The following KAZN variants were observed in gnomAD, a reference collection of about 807,000 sequenced individuals.
The protein encoded by KAZN is kazrin, periplakin interacting protein.
KAZN carries 40 observed loss-of-function variants against 87.4 expected under a neutral mutation model. That is an observed-to-expected ratio of 0.46 (90% CI 0.36 to 0.60). The LOEUF is 0.60. KAZN is among the 20% of genes least tolerant of loss of function. KAZN has a pLI of 0.00. For missense variants in KAZN, 898 were observed against 1,073.9 expected (o/e 0.84, Z 2.29); for synonymous variants, 466 against 458.3 (o/e 1.02, Z -0.22).
At chr1:14,685,257 G>C (rs7538750) in intron 1 of KAZN, among the ~76,000 whole-genome samples, 76,677 of 152,060 alleles carry the variant, frequency 0.5, 19,507 homozygotes, top group South Asian at 0.61. Flanking sequence ...AGCTGGTATA[G>C]AGCATGCTTC....
intron 1 of KAZN, among the ~76,000 whole-genome samples, chr1:14,649,043 A>G (rs1681020808): frequency 6.6e-6 from 1 of 152,228 alleles, no homozygotes; most frequent in South Asian, 2.1e-4. Context: ...CACTTGGAAC[A>G]ATGAAGTGTG....
intron 2 of KAZN, among the ~76,000 whole-genome samples, chr1:14,203,707 G>T (rs891194753): frequency 1.9e-4 from 29 of 152,176 alleles, no homozygotes; most frequent in African/African-American, 7.0e-4. Flanking sequence ...AACTCAATGT[G>T]CGCTAAAGTA....
chr1:14,431,851 T>C (rs981778849), intron 2 of KAZN, among the ~76,000 whole-genome samples: 1 of 152,198 alleles, frequency 6.6e-6, no homozygotes, highest in Admixed American at 6.5e-5. Context: ...TTTGAAGCTT[T>C]TGGACTCGGA....
chr1:14,052,190 C>A (rs532815076), intron 1 of KAZN, among the ~76,000 whole-genome samples: 8 of 152,290 alleles, frequency 5.3e-5, no homozygotes, highest in Non-Finnish European at 8.8e-5. Context: ...AGAGCTGAGT[C>A]CCCCCAACCC....
intron 2 of KAZN, among the ~76,000 whole-genome samples, chr1:14,195,169 C>G (rs1017785595): frequency 6.6e-6 from 1 of 151,798 alleles, no homozygotes; most frequent in Non-Finnish European, 1.5e-5. Flanking sequence ...TGAAATTTTC[C>G]CTTCATTAAT....
intron 2 of KAZN, among the ~76,000 whole-genome samples, chr1:14,402,101 G>A (rs1663462780): frequency 6.7e-6 from 1 of 149,024 alleles, no homozygotes. Flanking sequence ...AAAAAAAAAA[G>A]AGAACATATA....
At chr1:14,528,883 T>C (rs1274377340) in intron 2 of KAZN, among the ~76,000 whole-genome samples, 1 of 152,098 alleles carries the variant, frequency 6.6e-6, no homozygotes, top group Non-Finnish European at 1.5e-5. Flanking sequence ...TCCACTTTAT[T>C]CATGTCCCTC....
chr1:13,906,220 A>G (rs779162098), intron 1 of KAZN, among the ~76,000 whole-genome samples: 22 of 152,126 alleles, frequency 1.4e-4, no homozygotes, highest in Non-Finnish European at 2.1e-4. Flanking sequence ...ACTACAGTAC[A>G]TTTCTGTTAC....
chr1:14,327,989 CTTG>C lies in KAZN; in HGVS notation c.249+147400_249+147402del, dbSNP rs1656561718. ...TTCTAATATCTAAGCCTATGGATCA[CTTG>C]TTTTTTTCTTATGAATATTGTATGT... On this transcript the variant is annotated intron_variant, in intron 2 of 16. Transcript: ENST00000636203. 3.3e-5 allele frequency among the ~76,000 whole-genome samples: 5 copies of C among 152,156 alleles called. No individual in the cohort carries two copies. In the South Asian group the frequency reaches 1.0e-3, roughly 32 times the overall value.
intron 2 of KAZN, among the ~76,000 whole-genome samples, chr1:14,339,039 A>G (rs1657486994): frequency 6.6e-6 from 1 of 151,952 alleles, no homozygotes; most frequent in Non-Finnish European, 1.5e-5. Context: ...AAAAAAAGAA[A>G]CTCTCATGAT....
At chr1:14,153,795 AAAAAAAT>A (rs1248973970) in intron 1 of KAZN, among the ~76,000 whole-genome samples, 125 of 141,026 alleles carry the variant, frequency 8.9e-4, no homozygotes, top group African/African-American at 3.0e-3. Flanking sequence ...AAAAAAAAAA[AAAAAAAT>A]GAGTTTGCTG....
intron 1 of KAZN, among the ~76,000 whole-genome samples, chr1:14,679,917 C>A (rs1640469325): frequency 6.6e-6 from 1 of 152,040 alleles, no homozygotes; most frequent in Non-Finnish European, 1.5e-5. Context: ...CAAGGAGGCA[C>A]CACTTGTGTC....
intron 2 of KAZN, among the ~76,000 whole-genome samples, chr1:14,547,386 T>A (rs1673222380): frequency 6.6e-6 from 1 of 152,220 alleles, no homozygotes; most frequent in African/African-American, 2.4e-5. Context: ...GACTTTGTCA[T>A]TAACTGACTA....
intron 1 of KAZN, among the ~76,000 whole-genome samples, chr1:14,940,513 C>T (rs1660934524): frequency 6.6e-6 from 1 of 152,180 alleles, no homozygotes; most frequent in Admixed American, 6.5e-5. Context: ...TTCCTCCCAG[C>T]CAGGGCAGAG....
intron 2 of KAZN, among the ~76,000 whole-genome samples, chr1:14,399,928 A>C (rs1663244691): frequency 6.6e-6 from 1 of 152,146 alleles, no homozygotes; most frequent in Non-Finnish European, 1.5e-5. Context: ...TTCCCACATG[A>C]CTTAACGGAG....
chr1:14,631,372 C>G (rs1557850461), intron 1 of KAZN, among the ~76,000 whole-genome samples: 1 of 152,226 alleles, frequency 6.6e-6, no homozygotes, highest in African/African-American at 2.4e-5. Flanking sequence ...CCCATACGGT[C>G]TTTTTCTGAG....
At chr1:14,353,101 G>C (rs1336748438) in intron 2 of KAZN, among the ~76,000 whole-genome samples, 2 of 152,148 alleles carry the variant, frequency 1.3e-5, no homozygotes, top group East Asian at 1.9e-4. Context: ...AGTTGGAGAC[G>C]AGTCAAGGGA....
intron 1 of KAZN, among the ~76,000 whole-genome samples, chr1:14,921,846 G>C (rs1244204383): frequency 5.3e-5 from 8 of 152,126 alleles, no homozygotes; most frequent in African/African-American, 1.9e-4. Flanking sequence ...TGAGTAGCTG[G>C]GATTACAGGT....
rs1644493056 is a variant in KAZN, at chr1:14,111,207, C to T, written c.92-69228C>T. 2.2e-5 allele frequency among the ~76,000 whole-genome samples: 3 copies of T among 134,392 alleles called. 1 individual carries two copies. Among genetic ancestry groups the T allele is most frequent in the Admixed American group, 7.4e-5 (1 of 13,592 alleles). The allele number at this position is 134,392 out of a possible 152,430, so 88.2% of individuals were successfully genotyped here. A position where few individuals can be genotyped will look rare whatever the true frequency, so the allele number is the denominator to read the frequency against. ...GATAAATAGAGTTTCCACCCAGGGCCTCTGCATCAGGGCGCCTAGCCACAG... is the reference window on the plus strand; with the variant it reads ...GATAAATAGAGTTTCCACCCAGGGCTTCTGCATCAGGGCGCCTAGCCACAG... On this transcript the variant is annotated intron_variant, in intron 1 of 16. Transcript: ENST00000636203.
Sources: allele counts gnomAD v4.1 joint callset (sites outside exome capture counted in the v4.1 genomes callset), GRCh38; gene constraint gnomAD v4.1.1; transcripts MANE v1.5; gene names NCBI Gene and HGNC (gene_info 2026-07-23, HGNC 2026-07-21).